The following SGCZ variants were observed in gnomAD, a reference collection of about 807,000 sequenced individuals.
SGCZ encodes sarcoglycan zeta.
In SGCZ, 40 loss-of-function variants were observed where a neutral mutation model predicts 41.3. The ratio of observed to expected loss-of-function variants is 0.97; its 90% CI spans 0.75 to 1.26. The LOEUF is 1.26. Ranked by LOEUF, SGCZ falls within the 50% of genes most tolerant of loss-of-function variation. The probability of loss-of-function intolerance (pLI) is 0.00; values close to 1 mark genes in which losing one functional copy is unlikely to be tolerated. For missense variants in SGCZ, 552 were observed against 369.8 expected (o/e 1.49, Z -4.04); for synonymous variants, 206 against 137.5 (o/e 1.50, Z -3.49).
chr8:14,702,774 T>TAGAC (rs1280006080), intron 1 of SGCZ, among the ~76,000 whole-genome samples: 38 of 136,524 alleles, frequency 2.8e-4, no homozygotes, highest in African/African-American at 9.4e-4. Flanking sequence ...GATAGATAGA[T>TAGAC]AGATAGACAG....
At chr8:14,727,514 G>GA (rs1810094027) in intron 1 of SGCZ, among the ~76,000 whole-genome samples, 1 of 147,808 alleles carries the variant, frequency 6.8e-6, no homozygotes, top group African/African-American at 2.6e-5. Context: ...GTACAATAAT[G>GA]CTTTTTTTTT....
intron 1 of SGCZ, among the ~76,000 whole-genome samples, chr8:15,046,078 T>C (rs1214830772): frequency 1.3e-5 from 2 of 152,090 alleles, no homozygotes; most frequent in African/African-American, 4.8e-5. Context: ...CATTGAAGAA[T>C]TTCTATTTTG....
chr8:15,053,837 A>G (rs1429053391), intron 1 of SGCZ, among the ~76,000 whole-genome samples: 3 of 152,174 alleles, frequency 2.0e-5, no homozygotes, highest in African/African-American at 7.2e-5. Flanking sequence ...TTATACACAC[A>G]CTTATGAGTT....
At chr8:14,799,544 C>T (rs907240456) in intron 1 of SGCZ, among the ~76,000 whole-genome samples, 15 of 152,122 alleles carry the variant, frequency 9.9e-5, no homozygotes, top group Non-Finnish European at 1.6e-4. Context: ...AGACTCAAGA[C>T]TCTTCCATCC....
At chr8:14,498,275 T>C (rs1317230694) in intron 2 of SGCZ, among the ~76,000 whole-genome samples, 2 of 152,200 alleles carry the variant, frequency 1.3e-5, no homozygotes. Context: ...GTTTAATTTA[T>C]ATTTTAAATG....
chr8:15,036,736 A>G (rs1458482485), intron 1 of SGCZ, among the ~76,000 whole-genome samples: 1 of 152,106 alleles, frequency 6.6e-6, no homozygotes, highest in Non-Finnish European at 1.5e-5. Context: ...TTATCTTACA[A>G]GGCCAGCATT....
At chr8:14,287,706 G>T (rs1428207791) in intron 3 of SGCZ, among the ~76,000 whole-genome samples, 1 of 151,870 alleles carries the variant, frequency 6.6e-6, no homozygotes, top group Admixed American at 6.6e-5. Context: ...AGTTCTTCAG[G>T]TTCCCCCATT....
chr8:15,120,693 C>T (rs1036825011), intron 1 of SGCZ, among the ~76,000 whole-genome samples: 17 of 152,096 alleles, frequency 1.1e-4, no homozygotes, highest in Admixed American at 1.1e-3. Context: ...CTCAGCCCAT[C>T]GCCCCTGCTT....
intron 1 of SGCZ, among the ~76,000 whole-genome samples, chr8:14,995,235 C>T (rs17120686): frequency 0.04 from 6,069 of 152,280 alleles, 391 homozygotes; most frequent in African/African-American, 0.13. Flanking sequence ...ACGCTGGTAG[C>T]TCTGTGCAGG....
intron 4 of SGCZ, among the ~76,000 whole-genome samples, chr8:14,226,472 A>G (rs182481083): frequency 6.6e-6 from 1 of 152,176 alleles, no homozygotes. Flanking sequence ...ACGTCATATA[A>G]ATGCCATCAT....
chr8:14,212,404 G>T (rs1291127025), intron 4 of SGCZ, among the ~76,000 whole-genome samples: 1 of 148,550 alleles, frequency 6.7e-6, no homozygotes, highest in African/African-American at 2.5e-5. Context: ...GCATCAAGCA[G>T]GAGCTTTAAT....
chr8:14,177,715 G>A (rs1196918465), intron 4 of SGCZ, among the ~76,000 whole-genome samples: 2 of 141,620 alleles, frequency 1.4e-5, no homozygotes, highest in Non-Finnish European at 3.1e-5. Flanking sequence ...TAGTAGAGAC[G>A]GGGTTTCACC....
chr8:14,577,517 A>G (rs1804749303), intron 1 of SGCZ, among the ~76,000 whole-genome samples: 1 of 150,704 alleles, frequency 6.6e-6, no homozygotes, highest in African/African-American at 2.4e-5. Flanking sequence ...GCCTCCGAGT[A>G]GCTGGGACTA....
intron 1 of SGCZ, among the ~76,000 whole-genome samples, chr8:14,558,642 G>A (rs1804112084): frequency 6.9e-6 from 1 of 144,856 alleles, no homozygotes; most frequent in Non-Finnish European, 1.5e-5. Context: ...TATGATGCCA[G>A]TATCACCCTA....
chr8:14,351,495 T>C (rs10503494), intron 2 of SGCZ, among the ~76,000 whole-genome samples: 7,050 of 151,838 alleles, frequency 0.046, 248 homozygotes, highest in Admixed American at 0.11. Context: ...TGCATTATTT[T>C]ACCCAGTGTT....
In SGCZ at chr8:14,686,689, A is replaced by G. The variant is rs74968154; in HGVS notation, c.40-131763T>C. Among the ~76,000 whole-genome samples the G allele has an allele frequency of 4.1e-4, 63 of 152,190 alleles. No individual in the cohort carries two copies. In the East Asian group the frequency reaches 0.012, roughly 29 times the overall value. On this transcript the variant is annotated intron_variant, in intron 1 of 7. Coordinates refer to ENST00000382080, the MANE Select transcript of SGCZ (RefSeq NM_139167.4). ...CATGTTGCAGGGGCTGAAATTGTGGACACAAGGATCTAGACTACATCAGGG... is the reference window on the plus strand; with the variant it reads ...CATGTTGCAGGGGCTGAAATTGTGGGCACAAGGATCTAGACTACATCAGGG...
chr8:15,138,592 C>G (rs949289842), intron 1 of SGCZ, among the ~76,000 whole-genome samples: 6 of 152,092 alleles, frequency 3.9e-5, no homozygotes, highest in Admixed American at 1.3e-4. Context: ...TTCACAAGAT[C>G]TGGTGGTTTT....
At chr8:14,455,365 A>G (rs1485159419) in intron 2 of SGCZ, among the ~76,000 whole-genome samples, 4 of 152,062 alleles carry the variant, frequency 2.6e-5, no homozygotes, top group Admixed American at 6.6e-5. Context: ...AAACTGTCCT[A>G]GTTGGTGAGT....
intron 4 of SGCZ, among the ~76,000 whole-genome samples, chr8:14,226,182 G>A (rs537189749): frequency 1.3e-4 from 20 of 152,056 alleles, no homozygotes; most frequent in African/African-American, 4.8e-4. Flanking sequence ...TTAGTATTCA[G>A]AATGTTAAGT....
Sources: allele counts gnomAD v4.1 joint callset (sites outside exome capture counted in the v4.1 genomes callset), GRCh38; gene constraint gnomAD v4.1.1; transcripts MANE v1.5; gene names NCBI Gene and HGNC (gene_info 2026-07-23, HGNC 2026-07-21).